Variants in OPCML observed in about 807,000 individuals in gnomAD.
OPCML encodes opioid-binding protein/cell adhesion molecule.
OPCML carries 13 observed loss-of-function variants against 37.8 expected under a neutral mutation model. The observed-to-expected ratio is 0.34, with a 90% confidence interval of 0.22 to 0.55. The LOEUF is 0.55. OPCML is among the 20% of genes least tolerant of loss of function. The pLI is 0.91. For missense variants in OPCML, 341 were observed against 435.6 expected (o/e 0.78, Z 1.93); for synonymous variants, 176 against 168.8 (o/e 1.04, Z -0.33).
intron 2 of OPCML, among the ~76,000 whole-genome samples, chr11:132,781,578 CCA>C (rs541472030): frequency 2.0e-5 from 3 of 149,054 alleles, no homozygotes; most frequent in Non-Finnish European, 4.5e-5. Context: ...GTATATACAC[CCA>C]CACACACATA....
intron 4 of OPCML, among the ~76,000 whole-genome samples, chr11:132,504,838 T>A (rs538200891): frequency 6.6e-6 from 1 of 151,594 alleles, no homozygotes; most frequent in African/African-American, 2.4e-5. Flanking sequence ...CGGTGAAGAG[T>A]GCTCAAGGGT....
intron 2 of OPCML, among the ~76,000 whole-genome samples, chr11:132,752,573 A>T (rs561032229): frequency 6.6e-6 from 1 of 152,318 alleles, no homozygotes; most frequent in East Asian, 1.9e-4. Context: ...AAGAATCTGT[A>T]GAAGTTGATC....
chr11:133,315,954 G>C (rs988637874), intron 1 of OPCML, among the ~76,000 whole-genome samples: 1 of 152,214 alleles, frequency 6.6e-6, no homozygotes, highest in Non-Finnish European at 1.5e-5. Flanking sequence ...GCAGCAGCAA[G>C]AACAACACAT....
intron 4 of OPCML, among the ~76,000 whole-genome samples, chr11:132,446,275 A>C (rs1053401564): frequency 1.8e-4 from 26 of 144,078 alleles, no homozygotes; most frequent in African/African-American, 6.5e-4. Flanking sequence ...TTCCCTTTAA[A>C]TGAAAGTGCA....
At chr11:132,984,971 C>T (rs555293843) in intron 1 of OPCML, among the ~76,000 whole-genome samples, 4 of 151,974 alleles carry the variant, frequency 2.6e-5, no homozygotes, top group Admixed American at 6.6e-5. Context: ...TTTGTTCCCC[C>T]GTAGAACACC....
chr11:132,942,545 A>T (rs1363606206), intron 2 of OPCML, among the ~76,000 whole-genome samples: 1 of 152,058 alleles, frequency 6.6e-6, no homozygotes, highest in East Asian at 1.9e-4. Context: ...ATCCTGCCTC[A>T]TCATGTACCT....
chr11:133,177,000 C>T (rs969110611), intron 1 of OPCML, among the ~76,000 whole-genome samples: 7 of 152,180 alleles, frequency 4.6e-5, no homozygotes, highest in Non-Finnish European at 1.0e-4. Context: ...TCTTCAGTGC[C>T]AGCTCAGCTC....
chr11:132,663,887 C>T (rs1942098682), intron 2 of OPCML, among the ~76,000 whole-genome samples: 1 of 152,148 alleles, frequency 6.6e-6, no homozygotes. Context: ...GGCTTGAGTG[C>T]AGTGACGCGA....
At chr11:132,622,483 G>A (rs1939481909) in intron 3 of OPCML, among the ~76,000 whole-genome samples, 1 of 152,056 alleles carries the variant, frequency 6.6e-6, no homozygotes, top group Admixed American at 6.5e-5. Context: ...AGAGAGAGAG[G>A]GACTAACCAA....
chr11:132,879,280 C>T (rs1943137251), intron 2 of OPCML, among the ~76,000 whole-genome samples: 1 of 152,098 alleles, frequency 6.6e-6, no homozygotes, highest in African/African-American at 2.4e-5. Context: ...GAAAATCATA[C>T]AGCTGATGCT....
At chr11:133,073,120 G>A (rs1048105820) in intron 1 of OPCML, among the ~76,000 whole-genome samples, 2 of 152,170 alleles carry the variant, frequency 1.3e-5, no homozygotes, top group African/African-American at 4.8e-5. Context: ...ACCTGCCTGA[G>A]GGACGGAGGG....
chr11:132,619,374 G>A (rs1236992477), intron 3 of OPCML, among the ~76,000 whole-genome samples: 3 of 152,132 alleles, frequency 2.0e-5, no homozygotes, highest in African/African-American at 7.2e-5. Context: ...AGACTGCACT[G>A]TTTATGTTCA....
intron 1 of OPCML, among the ~76,000 whole-genome samples, chr11:133,376,421 A>T (rs1378629542): frequency 2.0e-5 from 3 of 152,230 alleles, no homozygotes. Flanking sequence ...GACATTAAAC[A>T]TCACTATGGA....
At chr11:132,501,204 C>T (rs1242344534) in intron 4 of OPCML, among the ~76,000 whole-genome samples, 2 of 152,174 alleles carry the variant, frequency 1.3e-5, no homozygotes, top group African/African-American at 4.8e-5. Context: ...TGGACCCTTT[C>T]CTTACACCTT....
chr11:132,459,410 CACATACAT>C (rs71477764), intron 4 of OPCML, among the ~76,000 whole-genome samples: 13,246 of 144,278 alleles, frequency 0.092, 679 homozygotes, highest in Middle Eastern at 0.16. Context: ...TCTCTCTTCA[CACATACAT>C]ACATACATAC....
At chr11:132,693,786 T>C (rs1943495417) in intron 2 of OPCML, among the ~76,000 whole-genome samples, 1 of 152,228 alleles carries the variant, frequency 6.6e-6, no homozygotes. Context: ...GGTTTTCATT[T>C]TCCTTTAGAA....
chr11:133,353,794 G>A (rs532842749), intron 1 of OPCML, among the ~76,000 whole-genome samples: 2 of 152,242 alleles, frequency 1.3e-5, no homozygotes, highest in East Asian at 3.9e-4. Flanking sequence ...GGACGATGTA[G>A]ATAAAACAAA....
intron 1 of OPCML, among the ~76,000 whole-genome samples, chr11:133,305,001 C>CT (rs1942875257): frequency 6.6e-6 from 1 of 152,168 alleles, no homozygotes; most frequent in Non-Finnish European, 1.5e-5. Context: ...CTCAAAACTG[C>CT]AACTCAGATG....
In OPCML at chr11:132,814,529, T is replaced by C. The variant is rs73585650; in HGVS notation, c.146+128397A>G. Among the ~76,000 whole-genome samples, 624 of 152,318 alleles carry C rather than the reference T, an allele frequency of 4.1e-3. 2 individuals are homozygous for C. The highest frequency in any genetic ancestry group is 0.013 in the African/African-American group (523 of 41,572). ...AGGAAGGGCAAATTCCTTCTTCCTCTGCCTTTTGTTCTATCCAGGCCCTCA... is the reference window on the plus strand; with the variant it reads ...AGGAAGGGCAAATTCCTTCTTCCTCCGCCTTTTGTTCTATCCAGGCCCTCA... On this transcript the variant is annotated intron_variant, in intron 2 of 7. Coordinates refer to ENST00000524381, the MANE Select transcript of OPCML (RefSeq NM_001012393.5).
Sources: allele counts gnomAD v4.1 joint callset (sites outside exome capture counted in the v4.1 genomes callset), GRCh38; gene constraint gnomAD v4.1.1; transcripts MANE v1.5; gene names NCBI Gene and HGNC (gene_info 2026-07-23, HGNC 2026-07-21).